IQCM: variants seen among roughly 807,000 people sequenced by gnomAD.
IQCM encodes IQ motif containing M, also known as IQ domain-containing protein M.
Under a neutral mutation model 57.6 loss-of-function variants are expected in IQCM, and 45 were observed. The ratio of observed to expected loss-of-function variants is 0.78; its 90% confidence interval spans 0.62 to 1.00. IQCM has a LOEUF of 1.00. IQCM is among the 50% of genes least tolerant of loss of function. The probability of loss-of-function intolerance (pLI) is 0.00; values close to 1 mark genes in which losing one functional copy is unlikely to be tolerated. For missense variants in IQCM, 468 were observed against 511.6 expected, an observed-to-expected ratio of 0.91 and a Z score of 0.82; for synonymous variants, 148 against 158.9, an observed-to-expected ratio of 0.93 and a Z score of 0.51.
At chr4:149,484,576 T>C (rs1245005654) in intron 12 of IQCM, among the ~76,000 whole-genome samples, 2 of 151,964 alleles carry the variant, frequency 1.3e-5, no homozygotes, top group Non-Finnish European at 2.9e-5. Flanking sequence ...CAAACAAACA[T>C]GCAAAAAAAA....
chr4:149,624,552 C>T lies in IQCM; in HGVS notation c.566-3308G>A, dbSNP rs553770036. ...ATGACTCACAGAAAACTGAAAAGAT[C>T]GTATACGACAGGTGATAATGTCAGG... On this transcript the variant is annotated intron_variant, in intron 7 of 13. Coordinates refer to ENST00000636793, the MANE Select transcript of IQCM (RefSeq NM_001363507.2). Among the ~76,000 whole-genome samples, 24 of 151,878 alleles carry T rather than the reference C, an allele frequency of 1.6e-4. No homozygotes were observed. In the South Asian group the frequency reaches 4.4e-3, roughly 28 times the overall value.
chr4:149,587,494 A>G (rs971391259), intron 9 of IQCM, among the ~76,000 whole-genome samples: 4 of 151,870 alleles, frequency 2.6e-5, no homozygotes, highest in Non-Finnish European at 4.4e-5. Context: ...TATATAAAGT[A>G]GCAAAGCAAT....
At chr4:149,584,488 A>T (rs1035920455) in intron 9 of IQCM, among the ~76,000 whole-genome samples, 1 of 151,732 alleles carries the variant, frequency 6.6e-6, no homozygotes, top group African/African-American at 2.4e-5. Flanking sequence ...ACTTTTTCTC[A>T]TAAAAATACA....
rs1357644985 is a variant in IQCM at position 149,542,591 on chromosome 4, C to T, written c.1228+5864G>A. ...TAAACGAGCATATCCCCTCCTCTAG[C>T]ATATAGATCATTATGATAATCGAAA... On this transcript the variant is annotated intron_variant, in intron 12 of 13. Coordinates refer to ENST00000636793, the MANE Select transcript of IQCM (RefSeq NM_001363507.2). Among the ~76,000 whole-genome samples the T allele has an allele frequency of 2.6e-5, 4 of 152,084 alleles. No homozygotes were observed. In the South Asian group the frequency reaches 8.3e-4, roughly 32 times the overall value.
rs148971226 is a variant in IQCM, at chr4:149,729,096, T to C, written c.385+4148A>G. Reference sequence around the variant, plus strand: ...TCACCAGTCCAAAGATGTTATAGAATTCTATTGGAAAGTCACTGAGAAGGC... The same window carrying C: ...TCACCAGTCCAAAGATGTTATAGAACTCTATTGGAAAGTCACTGAGAAGGC... On this transcript the variant is annotated intron_variant, in intron 5 of 13. Coordinates refer to ENST00000636793, the MANE Select transcript of IQCM (RefSeq NM_001363507.2). 1.7e-4 allele frequency among the ~76,000 whole-genome samples: 26 copies of C among 152,322 alleles called. No homozygotes were observed. In the East Asian group the frequency reaches 4.1e-3, roughly 24 times the overall value.
chr4:149,690,904 ATTT>A (rs1377064918), intron 5 of IQCM: 5 of 151,982 alleles, frequency 3.3e-5, no homozygotes, highest in Admixed American at 3.3e-4. Context: ...GGACTCCATT[ATTT>A]TTTACTGTGC....
chr4:149,757,713 A>G (rs1172384798), intron 2 of IQCM, among the ~76,000 whole-genome samples: 1 of 150,870 alleles, frequency 6.6e-6, no homozygotes. Flanking sequence ...ATTTAGATCT[A>G]ACATTAGATA....
At chr4:149,563,602 G>T in intron 10 of IQCM, 90 bp downstream of exon 10, 3 of 877,388 alleles carry the variant, frequency 3.4e-6, no homozygotes, top group African/African-American at 1.8e-5. Context: ...AAAAAAGTAT[G>T]TACATTGACC....
intron 8 of IQCM, among the ~76,000 whole-genome samples, chr4:149,599,541 C>G (rs947700110): frequency 6.6e-6 from 1 of 151,652 alleles, no homozygotes; most frequent in Non-Finnish European, 1.5e-5. Flanking sequence ...GAGTATTATT[C>G]CTTCACACAC....
chr4:149,765,783 A>G (rs1341467570), intron 2 of IQCM, among the ~76,000 whole-genome samples: 1 of 152,052 alleles, frequency 6.6e-6, no homozygotes, highest in Non-Finnish European at 1.5e-5. Flanking sequence ...TAACATCACT[A>G]TCTTGGTCTT....
intron 8 of IQCM, among the ~76,000 whole-genome samples, chr4:149,610,255 T>A (rs535032385): frequency 5.3e-4 from 80 of 152,186 alleles, no homozygotes; most frequent in African/African-American, 1.9e-3. Flanking sequence ...GGTATTCCAA[T>A]GTTCATGAAT....
Position 149,638,156 on chromosome 4 carries a change from T to TA in IQCM, c.566-16913dup, listed in dbSNP as rs566437068. On this transcript the variant is annotated intron_variant, in intron 7 of 13. Transcript: ENST00000636793. Reference sequence around the variant, plus strand: ...TTATTCACAATAGAAAATAGACAAATAAAAAATATGCATGTGAGAAAGTGC... The same window carrying TA: ...TTATTCACAATAGAAAATAGACAAATAAAAAAATATGCATGTGAGAAAGTGC... Among the ~76,000 whole-genome samples the TA allele has an allele frequency of 4.9e-4, 75 of 151,970 alleles. 2 individuals are homozygous for TA. The South Asian group carries it at 0.016, about 32-fold the overall frequency.
At chr4:149,595,882 T>C (rs114787390) in intron 8 of IQCM, among the ~76,000 whole-genome samples, 168 of 152,296 alleles carry the variant, frequency 1.1e-3, no homozygotes, top group Non-Finnish European at 2.1e-3. Context: ...AGTATTCCCT[T>C]TATTTACATT....
chr4:149,439,242 C>T (rs568494689), intron 12 of IQCM, among the ~76,000 whole-genome samples: 22 of 152,078 alleles, frequency 1.4e-4, no homozygotes, highest in South Asian at 2.1e-4. Flanking sequence ...TCAAAAGGTT[C>T]GCTTCTTCAG....
chr4:149,565,692 A>G (rs17026315), intron 9 of IQCM, among the ~76,000 whole-genome samples: 2,615 of 152,208 alleles, frequency 0.017, 76 homozygotes, highest in African/African-American at 0.06. Context: ...TGAACCAGTG[A>G]GATTTGTTGA....
intron 13 of IQCM, among the ~76,000 whole-genome samples, chr4:149,352,710 C>CT (rs1244407786): frequency 6.6e-6 from 1 of 152,036 alleles, no homozygotes; most frequent in Admixed American, 6.6e-5. Context: ...ACAGTATTGA[C>CT]TTTTTTTACA....
intron 11 of IQCM, among the ~76,000 whole-genome samples, chr4:149,552,534 T>C (rs1749140049): frequency 6.6e-6 from 1 of 152,188 alleles, no homozygotes; most frequent in African/African-American, 2.4e-5. Context: ...GTTCTATGAA[T>C]AGAATTCTAA....
At chr4:149,388,332 T>C (rs1490790116) in intron 13 of IQCM, among the ~76,000 whole-genome samples, 1 of 151,410 alleles carries the variant, frequency 6.6e-6, no homozygotes, top group African/African-American at 2.4e-5. Flanking sequence ...TCTCCATATA[T>C]TCATCATGGA....
intron 12 of IQCM, among the ~76,000 whole-genome samples, chr4:149,547,576 A>G (rs553396286): frequency 1.6e-4 from 25 of 152,310 alleles, no homozygotes; most frequent in Admixed American, 1.0e-3. Context: ...GATCTAATGT[A>G]CAGCATGGTG....
Sources: gnomAD v4.1 joint callset for allele counts (sites outside exome capture counted in the v4.1 genomes callset) on GRCh38, gnomAD v4.1.1 for gene constraint, MANE v1.5 for transcripts, NCBI Gene and HGNC (gene_info 2026-07-23, HGNC 2026-07-21) for gene names.